The following CCER1 variants were observed in gnomAD, a reference collection of about 807,000 sequenced individuals.
CCER1 encodes coiled-coil glutamate rich protein 1, also known as coiled-coil domain-containing glutamate-rich protein 1.
For missense variants in CCER1, 573 were observed against 524.5 expected, an observed-to-expected ratio of 1.09 and a Z score of -0.90; for synonymous variants, 246 against 213.8, an observed-to-expected ratio of 1.15 and a Z score of -1.31.
Position 90,953,398 on chromosome 12 carries a change from A to G in CCER1, c.*124T>C, listed in dbSNP as rs539105127. 2 of 1,172,898 alleles carry G rather than the reference A, an allele frequency of 1.7e-6. No homozygotes were observed. The highest frequency in any genetic ancestry group is 2.3e-6 in the Non-Finnish European group (2 of 858,056). 72.7% of individuals were successfully genotyped at this position (1,172,898 alleles called of 1,614,324 possible). Reference sequence around the variant, plus strand: ...AATTTTAAACATTTTATAATGGCCAAAGAAGGTGTTTACATAGATCTGTTT... The same window carrying G: ...AATTTTAAACATTTTATAATGGCCAGAGAAGGTGTTTACATAGATCTGTTT... On this transcript the variant is annotated 3_prime_UTR_variant, in exon 1 of 1. Coordinates refer to ENST00000358859, the MANE Select transcript of CCER1 (RefSeq NM_152638.4).
Position 90,953,880 on chromosome 12 carries a change from T to A in CCER1, c.863A>T (p.Glu288Val). ...ATCACACACCTCCTGGTCATACTCC[T>A]CCTCATCATCATTTTTCTTCTCCTC... ...EEEEKKNDDE[E>V]EYDQEVCDAK... Residue 288 changes from glutamate (E) to valine (V), a missense_variant, in exon 1 of 1, where the codon GAG (glutamate) becomes GTG (valine). Coordinates refer to ENST00000358859, the MANE Select transcript of CCER1 (RefSeq NM_152638.4). The A allele has an allele frequency of 6.2e-7, 1 of 1,612,950 alleles. No individual in the cohort carries two copies. The highest frequency in any genetic ancestry group is 1.1e-5 in the South Asian group (1 of 91,062).
At position 90,953,592 on chromosome 12, in the gene CCER1, A is replaced by G; in HGVS notation, c.1151T>C (p.Leu384Ser). Residue 384 changes from leucine to serine, a missense_variant, in exon 1 of 1, where the codon TTA becomes TCA. Coordinates refer to ENST00000358859, the MANE Select transcript of CCER1 (RefSeq NM_152638.4). ...TTTGGGAATTATCTGCTCTGGGTTTAAAAAAGTGCAGCTTATAAAGTTCTC... is the reference window on the plus strand; with the variant it reads ...TTTGGGAATTATCTGCTCTGGGTTTGAAAAAGTGCAGCTTATAAAGTTCTC... The part of the protein sequence containing the change: ...KRENFISCTF[L>S]NPEQIIPKVP... 1.2e-6 allele frequency: 2 copies of G among 1,614,120 alleles called. No homozygotes were observed. Among genetic ancestry groups the G allele is most frequent in the Non-Finnish European group, 1.7e-6 (2 of 1,179,994 alleles).
Position 90,954,284 on chromosome 12 carries a change from G to T in CCER1, c.459C>A (p.His153Gln), listed in dbSNP as rs1459098193. 5 of 1,601,196 alleles carry T rather than the reference G, an allele frequency of 3.1e-6. No individual in the cohort carries two copies. The highest frequency in any genetic ancestry group is 3.4e-6 in the Non-Finnish European group (4 of 1,178,056). ...GGCTCCGCGGGTAGGAGTGGCGAGG[G>T]TGGTGGCGCAGGCCGCGGCCTCTGC... ...WGRRGRGLRH[H>Q]PRHSYPRSPP... The change falls in exon 1 of 1, where the codon CAC becomes CAA. Residue 153 changes from histidine to glutamine, a missense_variant. By Grantham distance (24) the His-to-Gln change is conservative. Transcript: ENST00000358859.
In CCER1 at chr12:90,954,234, G is replaced by A. The variant is rs374385699; in HGVS notation, c.509C>T (p.Pro170Leu). Residue 170 changes from proline to leucine, a missense_variant, in exon 1 of 1, where the codon CCG becomes CTG. Pro to Leu is a moderately conservative substitution (Grantham distance 98). Transcript: ENST00000358859. ...CCACTCATACAGCTTGACCGGCCGC[G>A]GCAGCGTGCTCACATCCGCTGGCGG... ...RSPPADVSTL[P>L]RPVKLYEWRE... 2 of 1,606,588 alleles carry A rather than the reference G, an allele frequency of 1.2e-6. No homozygotes were observed. The highest frequency in any genetic ancestry group is 1.7e-6 in the Non-Finnish European group (2 of 1,179,786).
chr12:90,954,585 C>G lies in CCER1; in HGVS notation c.158G>C (p.Arg53Pro). ...CCCATACTCGGTCTTGGGGCTATAT[C>G]GGTGCGGTCTATTGTACGCTGGAGC... ...PGAPAYNRPH[R>P]YSPKTEYGPP... Residue 53 changes from arginine (R) to proline (P), a missense_variant, in exon 1 of 1, where the codon CGA becomes CCA. Arg to Pro is a moderately radical substitution (Grantham distance 103). Coordinates refer to ENST00000358859, the MANE Select transcript of CCER1 (RefSeq NM_152638.4). 6.2e-7 allele frequency: 1 copy of G among 1,613,968 alleles called. No individual in the cohort carries two copies. Among genetic ancestry groups the G allele is most frequent in the Non-Finnish European group, 8.5e-7 (1 of 1,180,002 alleles).
Position 90,954,437 on chromosome 12 carries a change from G to A in CCER1, c.306C>T (p.Phe102=). 5 of 1,611,136 alleles carry A rather than the reference G, an allele frequency of 3.1e-6. No homozygotes were observed. The highest frequency in any genetic ancestry group is 4.2e-6 in the Non-Finnish European group (5 of 1,178,550). ...CCCGAAACACTTGCACCGGGCAGGGGAATTTCCAGAATCCTGGAGGGGGTG... is the reference window on the plus strand; with the variant it reads ...CCCGAAACACTTGCACCGGGCAGGGAAATTTCCAGAATCCTGGAGGGGGTG... ...WRPPPPGFWK[F]PCPVQVFRVY... The change falls in exon 1 of 1, where the codon TTC becomes TTT. Residue 102 remains phenylalanine, a synonymous_variant. Transcript: ENST00000358859.
At position 90,954,728 on chromosome 12, in the gene CCER1, G is replaced by A. The variant is rs748954628; in HGVS notation, c.15C>T (p.Leu5=). MTQT[L]DTREDPLNLG... is the part of the protein sequence containing the mutation. Reference sequence around the variant, plus strand: ...GGTTCAGAGGGTCTTCCCTTGTGTCGAGGGTCTGAGTCATGGTTCAGGGAG... The same window carrying A: ...GGTTCAGAGGGTCTTCCCTTGTGTCAAGGGTCTGAGTCATGGTTCAGGGAG... Residue 5 remains leucine, a synonymous_variant, in exon 1 of 1, where the codon CTC becomes CTT. Coordinates refer to ENST00000358859, the MANE Select transcript of CCER1 (RefSeq NM_152638.4). The A allele has an allele frequency of 2.6e-6, 4 of 1,551,284 alleles. No individual in the cohort carries two copies. The highest frequency in any genetic ancestry group is 3.5e-6 in the Non-Finnish European group (4 of 1,148,136).
rs768034864 is a variant in CCER1 at position 90,953,334 on chromosome 12, T to C, written c.*188A>G. On this transcript the variant is annotated 3_prime_UTR_variant, in exon 1 of 1. Transcript: ENST00000358859. Reference sequence around the variant, plus strand: ...TTCCAGTAAAATTATATTTGAAAGCTTCCCCACCACCCACCCATAGTCATA... The same window carrying C: ...TTCCAGTAAAATTATATTTGAAAGCCTCCCCACCACCCACCCATAGTCATA... 7.8e-5 allele frequency: 41 copies of C among 522,592 alleles called. No homozygotes were observed. Among genetic ancestry groups the C allele is most frequent in the African/African-American group, 3.1e-4 (16 of 50,960 alleles). The allele number at this position is 522,592 out of a possible 1,614,324, so 32.4% of individuals were successfully genotyped here. A position where few individuals can be genotyped will look rare whatever the true frequency, so the allele number is the denominator to read the frequency against.
Position 90,953,790 on chromosome 12 carries a change from T to C in CCER1, c.953A>G (p.Glu318Gly). The C allele has an allele frequency of 1.3e-6, 2 of 1,499,398 alleles. No individual in the cohort carries two copies. Among genetic ancestry groups the C allele is most frequent in the Non-Finnish European group, 1.8e-6 (2 of 1,084,428 alleles). 92.9% of individuals were successfully genotyped at this position (1,499,398 alleles called of 1,614,324 possible). The part of the protein sequence containing the change: ...EDEEEEVEDE[E>G]EEEVEEAEYV... ...TTCAGCCTCTTCGACCTCTTCTTCC[T>C]CCTCATCTTCGACCTCTTCCTCCTC... Residue 318 changes from glutamate (E) to glycine (G), a missense_variant, in exon 1 of 1, where the codon GAG becomes GGG. Physicochemically the swap from Glu to Gly is moderately conservative, Grantham distance 98 (BLOSUM62 -2). Coordinates refer to ENST00000358859, the MANE Select transcript of CCER1 (RefSeq NM_152638.4).
rs895892662 is a variant in CCER1, at chr12:90,953,397, AAAG to A, written c.*122_*124del. The A allele has an allele frequency of 2.3e-5, 27 of 1,169,046 alleles. 1 individual carries two copies. Among genetic ancestry groups the A allele is most frequent in the Middle Eastern group, 4.3e-4 (2 of 4,632 alleles). 72.4% of individuals were successfully genotyped at this position (1,169,046 alleles called of 1,614,324 possible). ...AAATTTTAAACATTTTATAATGGCC[AAAG>A]AAGGTGTTTACATAGATCTGTTTAT... On this transcript the variant is annotated 3_prime_UTR_variant, in exon 1 of 1. Coordinates refer to ENST00000358859, the MANE Select transcript of CCER1 (RefSeq NM_152638.4).
chr12:90,954,581 A>G lies in CCER1; in HGVS notation c.162T>C (p.Tyr54=). The part of the protein sequence containing the change: ...GAPAYNRPHR[Y]SPKTEYGPPR... The stretch of plus-strand genomic sequence containing the variant: ...GGGGCCCATACTCGGTCTTGGGGCT[A>G]TATCGGTGCGGTCTATTGTACGCTG... Residue 54 remains tyrosine (Y), a synonymous_variant, in exon 1 of 1, where the codon TAT becomes TAC. Transcript: ENST00000358859. 1.2e-6 allele frequency: 2 copies of G among 1,613,938 alleles called. No individual in the cohort carries two copies. Among genetic ancestry groups the G allele is most frequent in the Non-Finnish European group, 1.7e-6 (2 of 1,179,990 alleles).
At position 90,954,394 on chromosome 12, in the gene CCER1, G is replaced by A. The variant is rs1462947777; in HGVS notation, c.349C>T (p.Leu117Phe). The A allele has an allele frequency of 1.2e-6, 2 of 1,612,346 alleles. No individual in the cohort carries two copies. ...QVFRVYGLHP[L>F]CFCCCSCWSG... is the part of the protein sequence containing the mutation. ...CAGCAGGAGCAGCAGCAAAAGCAGA[G>A]AGGGTGCAGGCCATACACCCGAAAC... The change falls in exon 1 of 1, where the codon CTC becomes TTC. Residue 117 changes from leucine (L) to phenylalanine (F), a missense_variant. Physicochemically the swap from Leu to Phe is conservative, Grantham distance 22 (BLOSUM62 0). Coordinates refer to ENST00000358859, the MANE Select transcript of CCER1 (RefSeq NM_152638.4).
rs1217897217 is a variant in CCER1, at chr12:90,954,618, C to A, written c.125G>T (p.Arg42Leu). Residue 42 changes from arginine (R) to leucine (L), a missense_variant, in exon 1 of 1, where the codon CGC (arginine) becomes CTC (leucine). Coordinates refer to ENST00000358859, the MANE Select transcript of CCER1 (RefSeq NM_152638.4). ...LSSWSSCHRR[R>L]PGAPAYNRPH... is the part of the protein sequence containing the mutation. ...TCTATTGTACGCTGGAGCACCCGGG[C>A]GCCTTCGATGGCAGGACGACCAGGA... 4 of 1,613,212 alleles carry A rather than the reference C, an allele frequency of 2.5e-6. No homozygotes were observed. Among genetic ancestry groups the A allele is most frequent in the African/African-American group, 1.3e-5 (1 of 74,908 alleles).
rs376042086 is a variant in CCER1 at position 90,953,558 on chromosome 12, C to T, written c.1185G>A (p.Gln395=). 20 of 1,613,806 alleles carry T rather than the reference C, an allele frequency of 1.2e-5. No homozygotes were observed. The highest frequency in any genetic ancestry group is 1.6e-5 in the Non-Finnish European group (19 of 1,179,926). Residue 395 remains glutamine, a synonymous_variant, in exon 1 of 1, where the codon CAG becomes CAA. Coordinates refer to ENST00000358859, the MANE Select transcript of CCER1 (RefSeq NM_152638.4). ...AGTCCTGTGCCATGAACAGGGATTCCTGTGGCACTTTGGGAATTATCTGCT... is the reference window on the plus strand; with the variant it reads ...AGTCCTGTGCCATGAACAGGGATTCTTGTGGCACTTTGGGAATTATCTGCT... ...NPEQIIPKVP[Q]ESLFMAQDFN...
In CCER1 at chr12:90,953,367, G is replaced by T; in HGVS notation, c.*155C>A. The T allele has an allele frequency of 3.6e-6, 3 of 828,314 alleles. No homozygotes were observed. Among genetic ancestry groups the T allele is most frequent in the South Asian group, 4.0e-5 (2 of 49,778 alleles). The allele number at this position is 828,314 out of a possible 1,614,324, so 51.3% of individuals were successfully genotyped here. A position where few individuals can be genotyped will look rare whatever the true frequency, so the allele number is the denominator to read the frequency against. On this transcript the variant is annotated 3_prime_UTR_variant, in exon 1 of 1. Coordinates refer to ENST00000358859, the MANE Select transcript of CCER1 (RefSeq NM_152638.4). ...CACCCACCCATAGTCATACACATAC[G>T]CATCAAATTTTAAACATTTTATAAT...
rs1876613878 is a variant in CCER1 at position 90,954,965 on chromosome 12, G to A, written c.-223C>T. ...TTGTCCTTCGCACCTGGGTTGTCTCGCCCAGGTGTGCTGGGTGGGACTGGG... is the reference window on the plus strand; with the variant it reads ...TTGTCCTTCGCACCTGGGTTGTCTCACCCAGGTGTGCTGGGTGGGACTGGG... On this transcript the variant is annotated 5_prime_UTR_variant, in exon 1 of 1. Coordinates refer to ENST00000358859, the MANE Select transcript of CCER1 (RefSeq NM_152638.4). 7.3e-6 allele frequency: 6 copies of A among 824,886 alleles called. No individual in the cohort carries two copies. The highest frequency in any genetic ancestry group is 3.1e-5 in the Admixed American group (1 of 32,732). 51.1% of individuals were successfully genotyped at this position (824,886 alleles called of 1,614,324 possible).
rs1396936099 is a variant in CCER1 at position 90,953,448 on chromosome 12, A to G, written c.*74T>C. 4.7e-6 allele frequency: 7 copies of G among 1,488,906 alleles called. No homozygotes were observed. The highest frequency in any genetic ancestry group is 4.2e-5 in the African/African-American group (3 of 70,954). 92.2% of individuals were successfully genotyped at this position (1,488,906 alleles called of 1,614,324 possible). On this transcript the variant is annotated 3_prime_UTR_variant, in exon 1 of 1. Coordinates refer to ENST00000358859, the MANE Select transcript of CCER1 (RefSeq NM_152638.4). Reference sequence around the variant, plus strand: ...TATTAATGGAACTCACTTTTTAATCAGTTTTTAATAAATTGCTAATCCAGT... The same window carrying G: ...TATTAATGGAACTCACTTTTTAATCGGTTTTTAATAAATTGCTAATCCAGT...
chr12:90,953,374 A>T lies in CCER1; in HGVS notation c.*148T>A. On this transcript the variant is annotated 3_prime_UTR_variant, in exon 1 of 1. Transcript: ENST00000358859. ...CCATAGTCATACACATACGCATCAAATTTTAAACATTTTATAATGGCCAAA... is the reference window on the plus strand; with the variant it reads ...CCATAGTCATACACATACGCATCAATTTTTAAACATTTTATAATGGCCAAA... 1.0e-6 allele frequency: 1 copy of T among 1,002,118 alleles called. No homozygotes were observed. Among genetic ancestry groups the T allele is most frequent in the Non-Finnish European group, 1.4e-6 (1 of 709,792 alleles). 62.1% of individuals were successfully genotyped at this position (1,002,118 alleles called of 1,614,324 possible). A position where few individuals can be genotyped will look rare whatever the true frequency, so the allele number is the denominator to read the frequency against.
In CCER1 at chr12:90,953,091, C is replaced by CAA. The variant is rs904608988; in HGVS notation, c.*430_*431insTT. The CAA allele has an allele frequency of 6.3e-6, 1 of 158,188 alleles. No individual in the cohort carries two copies. The highest frequency in any genetic ancestry group is 2.4e-5 in the African/African-American group (1 of 41,682). The allele number at this position is 158,188 out of a possible 1,614,324, so 9.8% of individuals were successfully genotyped here. On this transcript the variant is annotated 3_prime_UTR_variant, in exon 1 of 1. Coordinates refer to ENST00000358859, the MANE Select transcript of CCER1 (RefSeq NM_152638.4). ...CAGTTATGTTAAGAGCACTGGTGAA[C>CAA]ATTTAGTAGCGTTAGAATGTGCTTC...
Sources: allele counts gnomAD v4.1 joint callset, GRCh38; gene constraint gnomAD v4.1.1; transcripts MANE v1.5; gene names NCBI Gene and HGNC (gene_info 2026-07-23, HGNC 2026-07-21).